Variants in ROBO2 observed in about 807,000 individuals in gnomAD.
ROBO2 encodes roundabout homolog 2.
Under a neutral mutation model 160.8 loss-of-function variants are expected in ROBO2, and 53 were observed. That is an observed-to-expected ratio of 0.33 (90% CI 0.26 to 0.41). The LOEUF (loss-of-function observed/expected upper bound fraction) is 0.41, where lower values mean the gene tolerates loss of function less well. Among genes scored for constraint, ROBO2 ranks in the 10% least tolerant of loss-of-function variants. The pLI, the probability that ROBO2 is intolerant of heterozygous loss-of-function variation, is 1.00. For synonymous variants in ROBO2, 664 were observed against 611.7 expected, an observed-to-expected ratio of 1.09 and a Z score of -1.26; for missense variants, 1,577 against 1,722.4, an observed-to-expected ratio of 0.92 and a Z score of 1.49.
At chr3:77,204,041 T>G (rs11713960) in intron 2 of ROBO2, among the ~76,000 whole-genome samples, 86,058 of 151,994 alleles carry the variant, frequency 0.57, 24,960 homozygotes, top group Middle Eastern at 0.68. Context: ...TGAACACAAC[T>G]TACAGAGGAG....
At chr3:76,477,676 T>C (rs959400787) in intron 2 of ROBO2, among the ~76,000 whole-genome samples, 2 of 152,064 alleles carry the variant, frequency 1.3e-5, no homozygotes, top group Non-Finnish European at 2.9e-5. Flanking sequence ...ATTGACACCT[T>C]TTGCTGCTGC....
At chr3:77,338,577 A>G (rs769426480) in intron 2 of ROBO2, among the ~76,000 whole-genome samples, 1 of 152,200 alleles carries the variant, frequency 6.6e-6, no homozygotes, top group Non-Finnish European at 1.5e-5. Context: ...ACTTTATAAA[A>G]TGAAAAGATT....
At chr3:77,272,861 T>TA (rs1486302961) in intron 2 of ROBO2, among the ~76,000 whole-genome samples, 3 of 152,168 alleles carry the variant, frequency 2.0e-5, no homozygotes, top group Middle Eastern at 3.2e-3. Flanking sequence ...CCTTATTTTA[T>TA]AAAAAATCTC....
chr3:77,247,656 C>T (rs1374094725), intron 2 of ROBO2, among the ~76,000 whole-genome samples: 3 of 152,156 alleles, frequency 2.0e-5, no homozygotes, highest in African/African-American at 4.8e-5. Context: ...TCTTCCTTGA[C>T]GGAAAGGCAC....
chr3:76,588,563 G>T (rs2086208890), intron 2 of ROBO2, among the ~76,000 whole-genome samples: 2 of 152,092 alleles, frequency 1.3e-5, no homozygotes, highest in African/African-American at 4.8e-5. Flanking sequence ...GCTTAATATG[G>T]ATTATTCTGA....
At chr3:76,525,915 G>A (rs1415491665) in intron 2 of ROBO2, among the ~76,000 whole-genome samples, 1 of 151,948 alleles carries the variant, frequency 6.6e-6, no homozygotes, top group Admixed American at 6.6e-5. Context: ...CATTTAGAAA[G>A]CAGAAACAGA....
intron 2 of ROBO2, among the ~76,000 whole-genome samples, chr3:76,278,544 G>T (rs531027562): frequency 6.6e-6 from 1 of 151,960 alleles, no homozygotes; most frequent in East Asian, 1.9e-4. Flanking sequence ...AGGAACGGAA[G>T]CTTTTGAGGA....
At chr3:77,391,452 C>T (rs971763957) in intron 2 of ROBO2, among the ~76,000 whole-genome samples, 3 of 151,932 alleles carry the variant, frequency 2.0e-5, no homozygotes, top group Non-Finnish European at 2.9e-5. Flanking sequence ...ACTACAGGTG[C>T]ACACCTGTAG....
At chr3:76,319,709 T>C (rs1341842648) in intron 2 of ROBO2, among the ~76,000 whole-genome samples, 1 of 152,062 alleles carries the variant, frequency 6.6e-6, no homozygotes, top group East Asian at 1.9e-4. Context: ...TGATTCATGC[T>C]GATTTTTGTT....
intron 2 of ROBO2, among the ~76,000 whole-genome samples, chr3:76,154,642 C>T (rs981953967): frequency 2.0e-5 from 3 of 152,032 alleles, no homozygotes; most frequent in African/African-American, 7.2e-5. Context: ...TACATTTTTT[C>T]AATGTACTCT....
At chr3:76,656,759 T>A (rs1457428065) in intron 2 of ROBO2, among the ~76,000 whole-genome samples, 1 of 152,088 alleles carries the variant, frequency 6.6e-6, no homozygotes. Context: ...TGACTGTTCT[T>A]TTGCCTCAGG....
At chr3:77,567,684 A>T (rs2093523965) in intron 12 of ROBO2, among the ~76,000 whole-genome samples, 1 of 152,078 alleles carries the variant, frequency 6.6e-6, no homozygotes, top group South Asian at 2.1e-4. Flanking sequence ...ACATGTTATC[A>T]GTATTATAAC....
chr3:77,582,514 G>A (rs1183815760), intron 16 of ROBO2, among the ~76,000 whole-genome samples: 1 of 152,064 alleles, frequency 6.6e-6, no homozygotes, highest in Non-Finnish European at 1.5e-5. Context: ...TGCTAACTTT[G>A]TTACTATCTT....
At chr3:76,226,959 T>G (rs1465133806) in intron 2 of ROBO2, among the ~76,000 whole-genome samples, 2 of 152,168 alleles carry the variant, frequency 1.3e-5, no homozygotes, top group Non-Finnish European at 2.9e-5. Flanking sequence ...GCATGTCAGC[T>G]CTAAACATCT....
At chr3:77,196,409 G>T (rs2082315406) in intron 2 of ROBO2, among the ~76,000 whole-genome samples, 2 of 148,338 alleles carry the variant, frequency 1.3e-5, no homozygotes, top group African/African-American at 5.0e-5. Context: ...TTGCTAAATT[G>T]TTTTTGTGTT....
At chr3:76,040,001 A>G (rs2067231243) in intron 2 of ROBO2, among the ~76,000 whole-genome samples, 1 of 152,050 alleles carries the variant, frequency 6.6e-6, no homozygotes, top group African/African-American at 2.4e-5. Flanking sequence ...GTAATTAAAA[A>G]TGAATGTAGG....
chr3:77,123,518 C>T (rs981443777), intron 2 of ROBO2, among the ~76,000 whole-genome samples: 7 of 151,994 alleles, frequency 4.6e-5, no homozygotes, highest in Admixed American at 3.3e-4. Flanking sequence ...GTTACTAGAG[C>T]TTTCTGTGAA....
intron 15 of ROBO2, 147 bp from the exon 17 acceptor site, chr3:77,579,795 AGGTTG>A: frequency 1.5e-6 from 1 of 656,294 alleles, no homozygotes; most frequent in Non-Finnish European, 2.7e-6. Context: ...CAAACTGCAG[AGGTTG>A]GGCTTTAGAA....
chr3:76,945,490 AT>A (rs1207177381), intron 2 of ROBO2, among the ~76,000 whole-genome samples: 1 of 152,092 alleles, frequency 6.6e-6, no homozygotes, highest in African/African-American at 2.4e-5. Context: ...ATTTTGAAAA[AT>A]TTTAGCCAGT....
Sources: gnomAD v4.1 joint callset for allele counts (sites outside exome capture counted in the v4.1 genomes callset) on GRCh38, gnomAD v4.1.1 for gene constraint, MANE v1.5 for transcripts, NCBI Gene and HGNC (gene_info 2026-07-23, HGNC 2026-07-21) for gene names.